The following FTO variants were observed in gnomAD, a reference collection of about 807,000 sequenced individuals.
FTO encodes the protein alpha-ketoglutarate-dependent dioxygenase FTO.
In FTO, 47 loss-of-function variants were observed where a neutral mutation model predicts 63.9. The ratio of observed to expected loss-of-function variants is 0.74; its 90% CI spans 0.58 to 0.94. FTO has a LOEUF of 0.94. Ranked by LOEUF, FTO falls within the 40% of genes least tolerant of loss-of-function variation. The pLI, the probability that FTO is intolerant of heterozygous loss-of-function variation, is 0.00. For missense variants in FTO, 562 were observed against 618.1 expected (o/e 0.91, Z 0.96); for synonymous variants, 207 against 224.4 (o/e 0.92, Z 0.69).
chr16:53,717,854 A>T (rs1431644129), intron 1 of FTO, among the ~76,000 whole-genome samples: 1 of 151,974 alleles, frequency 6.6e-6, no homozygotes, highest in African/African-American at 2.4e-5. Context: ...TCTGCTTTTT[A>T]TCCTGTTTGT....
At chr16:54,048,125 T>TAAAAAAAAAAAAAAAAAAA (rs2085220979) in intron 8 of FTO, among the ~76,000 whole-genome samples, 2 of 34,730 alleles carry the variant, frequency 5.8e-5, no homozygotes, top group Non-Finnish European at 8.9e-5. Context: ...AAAAAAAAAA[T>TAAAAAAAAAAAAAAAAAAA]TAAAAAAAAA....
chr16:53,920,267 T>C (rs1430925793), intron 7 of FTO, among the ~76,000 whole-genome samples: 1 of 152,000 alleles, frequency 6.6e-6, no homozygotes, highest in Non-Finnish European at 1.5e-5. Context: ...ATGAGGAAAC[T>C]GAGGTCCAGA....
At chr16:53,763,392 C>T (rs2077119036) in intron 1 of FTO, among the ~76,000 whole-genome samples, 1 of 152,108 alleles carries the variant, frequency 6.6e-6, no homozygotes, top group Non-Finnish European at 1.5e-5. Context: ...TTTTAAAAAC[C>T]CGCAGATTGT....
chr16:54,058,615 G>A (rs1197604508), intron 8 of FTO, among the ~76,000 whole-genome samples: 3 of 152,138 alleles, frequency 2.0e-5, no homozygotes, highest in African/African-American at 2.4e-5. Flanking sequence ...TCTGCTGCAG[G>A]CCACAGTGGC....
Position 54,112,003 on chromosome 16 carries a change from C to A in FTO, c.*88C>A, listed in dbSNP as rs565387719. 24 of 1,426,394 alleles carry A rather than the reference C, an allele frequency of 1.7e-5. No homozygotes were observed. In the East Asian group the frequency reaches 5.2e-4, roughly 31 times the overall value. 88.4% of individuals were successfully genotyped at this position (1,426,394 alleles called of 1,614,324 possible). A position where few individuals can be genotyped will look rare whatever the true frequency, so the allele number is the denominator to read the frequency against. On this transcript the variant is annotated 3_prime_UTR_variant, in exon 9 of 9. Coordinates refer to ENST00000471389, the MANE Select transcript of FTO (RefSeq NM_001080432.3). ...TGGGCTTAAGCAAGAGCAGTGGAGACTTCTCTTGGCCCCTAGATTGTAGCA... is the reference window on the plus strand; with the variant it reads ...TGGGCTTAAGCAAGAGCAGTGGAGAATTCTCTTGGCCCCTAGATTGTAGCA...
intron 7 of FTO, among the ~76,000 whole-genome samples, chr16:53,904,060 A>G (rs2081473866): frequency 6.6e-6 from 1 of 151,870 alleles, no homozygotes; most frequent in Non-Finnish European, 1.5e-5. Flanking sequence ...ATACATGTGT[A>G]TATGTATCTA....
intron 7 of FTO, among the ~76,000 whole-genome samples, chr16:53,909,934 G>A (rs1157505879): frequency 6.6e-6 from 1 of 152,014 alleles, no homozygotes; most frequent in African/African-American, 2.4e-5. Flanking sequence ...CTAGAGTACA[G>A]TGGTATAATC....
At chr16:53,770,291 G>T (rs970438814) in intron 1 of FTO, among the ~76,000 whole-genome samples, 1 of 152,078 alleles carries the variant, frequency 6.6e-6, no homozygotes, top group Admixed American at 6.6e-5. Flanking sequence ...TATTTGAAAA[G>T]ATTTTGTAAG....
At chr16:53,885,057 C>G (rs1427860622) in intron 6 of FTO, among the ~76,000 whole-genome samples, 1 of 152,212 alleles carries the variant, frequency 6.6e-6, no homozygotes, top group Non-Finnish European at 1.5e-5. Flanking sequence ...TCATGGTTAC[C>G]ACTTCATCAG....
chr16:53,957,314 A>G (rs2082953867), intron 8 of FTO, among the ~76,000 whole-genome samples: 1 of 152,172 alleles, frequency 6.6e-6, no homozygotes, highest in Non-Finnish European at 1.5e-5. Flanking sequence ...TTTGCAACGC[A>G]CTTCCTCCAC....
intron 4 of FTO, among the ~76,000 whole-genome samples, chr16:53,871,822 G>A (rs1244128546): frequency 6.6e-6 from 1 of 151,876 alleles, no homozygotes; most frequent in Non-Finnish European, 1.5e-5. Context: ...TGCCTCCTGT[G>A]TTCAAGCAAT....
chr16:54,118,110 A>T lies in FTO; in HGVS notation c.*6195A>T, dbSNP rs1284612641. On this transcript the variant is annotated 3_prime_UTR_variant, in exon 9 of 9. Transcript: ENST00000471389. ...CACTGACTAAACATGGCACCAATAC[A>T]AATGAAGCACTTCTAGCAGGCGGAG... 1 of 152,204 alleles carries T rather than the reference A, an allele frequency of 6.6e-6. No homozygotes were observed. The highest frequency in any genetic ancestry group is 1.5e-5 in the Non-Finnish European group (1 of 68,036). The allele number at this position is 152,204 out of a possible 1,614,324, so 9.4% of individuals were successfully genotyped here.
intron 1 of FTO, among the ~76,000 whole-genome samples, chr16:53,763,340 A>G (rs577086652): frequency 5.3e-5 from 8 of 152,248 alleles, no homozygotes; most frequent in East Asian, 3.8e-4. Flanking sequence ...ATAAAGGTTG[A>G]CAATGATGTG....
chr16:53,711,373 A>AT, intron 1 of FTO: 1 of 398,544 alleles, frequency 2.5e-6, no homozygotes, highest in Non-Finnish European at 4.4e-6. Context: ...AAGGAACCTG[A>AT]TTAAGTGTCG....
In FTO at chr16:53,792,075, CAAAAAA is replaced by C. The variant is rs10606857; in HGVS notation, c.46-18052_46-18047del. Among the ~76,000 whole-genome samples, 3 of 138,596 alleles carry C rather than the reference CAAAAAA, an allele frequency of 2.2e-5. No homozygotes were observed. The South Asian group carries it at 6.9e-4, about 32-fold the overall frequency. 90.9% of individuals were successfully genotyped at this position (138,596 alleles called of 152,430 possible). A position where few individuals can be genotyped will look rare whatever the true frequency, so the allele number is the denominator to read the frequency against. ...TGGGCCACAGAGCGAGACTTCGTCT[CAAAAAA>C]AAAAAAAAAAAATAAAAATAAAAAA... On this transcript the variant is annotated intron_variant, in intron 1 of 8. Transcript: ENST00000471389.
chr16:53,968,251 C>G (rs1440155650), intron 8 of FTO, among the ~76,000 whole-genome samples: 1 of 152,178 alleles, frequency 6.6e-6, no homozygotes, highest in Non-Finnish European at 1.5e-5. Context: ...AAGCCCCTTT[C>G]CTCCCCATAT....
intron 3 of FTO, among the ~76,000 whole-genome samples, chr16:53,840,956 T>A (rs2079456750): frequency 6.6e-6 from 1 of 151,524 alleles, no homozygotes; most frequent in Non-Finnish European, 1.5e-5. Flanking sequence ...GGAAATATGG[T>A]TGAGGTCAAG....
intron 1 of FTO, among the ~76,000 whole-genome samples, chr16:53,754,855 C>T (rs1426429923): frequency 6.6e-6 from 1 of 152,194 alleles, no homozygotes; most frequent in Non-Finnish European, 1.5e-5. Context: ...ATAGTCTTTA[C>T]ATGTTCTTCC....
chr16:54,088,279 T>G (rs1011895101), intron 8 of FTO, among the ~76,000 whole-genome samples: 1 of 152,364 alleles, frequency 6.6e-6, no homozygotes, highest in Middle Eastern at 3.4e-3. Flanking sequence ...GCCTTATGTT[T>G]AGAAATCTTT....
Sources: gnomAD v4.1 joint callset for allele counts (sites outside exome capture counted in the v4.1 genomes callset) on GRCh38, gnomAD v4.1.1 for gene constraint, MANE v1.5 for transcripts, NCBI Gene and HGNC (gene_info 2026-07-23, HGNC 2026-07-21) for gene names.